The following PSMD11 variants were observed in gnomAD, a reference collection of about 807,000 sequenced individuals.
PSMD11 encodes 26S proteasome non-ATPase regulatory subunit 11.
PSMD11 carries 5 observed loss-of-function variants against 62.3 expected under a neutral mutation model. The ratio of observed to expected loss-of-function variants is 0.08; its 90% confidence interval spans 0.04 to 0.17. The LOEUF is 0.17. Ranked by LOEUF, PSMD11 falls within the 10% of genes least tolerant of loss-of-function variation. PSMD11 has a pLI of 1.00. For missense variants in PSMD11, 310 were observed against 512.9 expected (o/e 0.60, Z 3.82); for synonymous variants, 191 against 191.8 (o/e 1.00, Z 0.03).
In PSMD11 at chr17:32,481,469, G is replaced by A. The variant is rs1489108599; in HGVS notation, c.*717G>A. 1 of 153,052 alleles carries A rather than the reference G, an allele frequency of 6.5e-6. No homozygotes were observed. The highest frequency in any genetic ancestry group is 1.5e-5 in the Non-Finnish European group (1 of 68,188). 9.5% of individuals were successfully genotyped at this position (153,052 alleles called of 1,614,324 possible). On this transcript the variant is annotated 3_prime_UTR_variant, in exon 14 of 14. Transcript: ENST00000261712. Reference sequence around the variant, plus strand: ...CCACGGCCACACAGGGAGCAGTGTGGGCCCTTAGCCCCCAAGGGGCCTGCT... The same window carrying A: ...CCACGGCCACACAGGGAGCAGTGTGAGCCCTTAGCCCCCAAGGGGCCTGCT...
chr17:32,464,159 A>C (rs575851460), intron 4 of PSMD11, 39 bp downstream of exon 4: 2 of 1,547,100 alleles, frequency 1.3e-6, no homozygotes, highest in Non-Finnish European at 8.9e-7. Context: ...GTCTCTAAGC[A>C]TGAGACAGAG....
At chr17:32,449,668 A>C (rs1217507621) in intron 2 of PSMD11, among the ~76,000 whole-genome samples, 3 of 152,218 alleles carry the variant, frequency 2.0e-5, no homozygotes, top group African/African-American at 7.2e-5. Flanking sequence ...AAACATTTCC[A>C]TGTTACTTAT....
intron 9 of PSMD11, among the ~76,000 whole-genome samples, chr17:32,478,724 T>TAACC (rs1908400102): frequency 6.6e-6 from 1 of 152,212 alleles, no homozygotes; most frequent in Non-Finnish European, 1.5e-5. Context: ...TGTTCTTTTT[T>TAACC]TCCCCCCCAT....
At chr17:32,447,903 C>T (rs1348347502) in intron 2 of PSMD11, among the ~76,000 whole-genome samples, 1 of 145,170 alleles carries the variant, frequency 6.9e-6, no homozygotes, top group Admixed American at 7.0e-5. Flanking sequence ...TTTTTTGAGA[C>T]GGGGTCTTGC....
At chr17:32,471,746 TTTAAG>T (rs1016294212) in intron 6 of PSMD11, among the ~76,000 whole-genome samples, 3 of 152,212 alleles carry the variant, frequency 2.0e-5, no homozygotes, top group African/African-American at 7.2e-5. Context: ...TCAGGTCCCT[TTTAAG>T]TTGAGTCTCT....
chr17:32,448,505 T>C (rs974268215), intron 2 of PSMD11, among the ~76,000 whole-genome samples: 1 of 152,014 alleles, frequency 6.6e-6, no homozygotes, highest in Non-Finnish European at 1.5e-5. Flanking sequence ...GTAGCTGGGA[T>C]TGCCAGCATG....
intron 2 of PSMD11, among the ~76,000 whole-genome samples, chr17:32,450,685 A>G (rs1160572668): frequency 6.6e-6 from 1 of 152,102 alleles, no homozygotes; most frequent in African/African-American, 2.4e-5. Context: ...CTCAGTATGT[A>G]TGAAAGTGGA....
chr17:32,476,869 A>C (rs1264101888), intron 8 of PSMD11: 1 of 152,178 alleles, frequency 6.6e-6, no homozygotes, highest in Non-Finnish European at 1.5e-5. Context: ...GGTTCTAGCA[A>C]TTCTCCTGCC....
intron 6 of PSMD11, among the ~76,000 whole-genome samples, chr17:32,469,695 A>G (rs911341864): frequency 2.2e-5 from 3 of 139,366 alleles, no homozygotes; most frequent in Non-Finnish European, 4.9e-5. Flanking sequence ...TTTCTTTTGT[A>G]TTCAGCAGTT....
At chr17:32,477,986 AT>A (rs893248882) in intron 9 of PSMD11, among the ~76,000 whole-genome samples, 2 of 152,232 alleles carry the variant, frequency 1.3e-5, no homozygotes, top group Admixed American at 1.3e-4. Flanking sequence ...AGTTGTAGGC[AT>A]TCCTTCAGCT....
chr17:32,457,753 T>A (rs2150831812), intron 3 of PSMD11, among the ~76,000 whole-genome samples: 1 of 151,840 alleles, frequency 6.6e-6, no homozygotes, highest in East Asian at 1.9e-4. Context: ...AATTCAGCTT[T>A]CTTCATTGTC....
intron 10 of PSMD11, 173 bp downstream of exon 10, chr17:32,479,549 C>G: frequency 3.0e-6 from 3 of 985,410 alleles, no homozygotes; most frequent in Non-Finnish European, 4.4e-6. Flanking sequence ...GAGAGAGATG[C>G]TGTGGGTAGA....
At chr17:32,467,640 C>G (rs1470826331) in intron 5 of PSMD11, among the ~76,000 whole-genome samples, 1 of 152,184 alleles carries the variant, frequency 6.6e-6, no homozygotes, top group Non-Finnish European at 1.5e-5. Flanking sequence ...CAGGGTCTCA[C>G]TCTGTCACCC....
chr17:32,458,381 G>A (rs1036527172), intron 3 of PSMD11, among the ~76,000 whole-genome samples: 1 of 152,240 alleles, frequency 6.6e-6, no homozygotes, highest in East Asian at 1.9e-4. Context: ...CAGCCATGTT[G>A]GATCCCTGGC....
At chr17:32,456,205 C>T (rs1345653741) in intron 3 of PSMD11, among the ~76,000 whole-genome samples, 1 of 150,892 alleles carries the variant, frequency 6.6e-6, no homozygotes, top group Non-Finnish European at 1.5e-5. Flanking sequence ...AATAGAGTAC[C>T]TTAAAATAGA....
At chr17:32,468,211 A>G (rs1356897120) in intron 5 of PSMD11, among the ~76,000 whole-genome samples, 1 of 152,050 alleles carries the variant, frequency 6.6e-6, no homozygotes, top group Non-Finnish European at 1.5e-5. Flanking sequence ...ATGGGCATTT[A>G]GGTTTATTTT....
chr17:32,475,605 T>TA (rs1402608807), intron 8 of PSMD11, among the ~76,000 whole-genome samples: 1 of 150,848 alleles, frequency 6.6e-6, no homozygotes, highest in Non-Finnish European at 1.5e-5. Context: ...TAATTGGCTT[T>TA]TTTTTTTTTT....
At chr17:32,445,874 G>A (rs1302392792) in intron 1 of PSMD11, 1 of 152,184 alleles carries the variant, frequency 6.6e-6, no homozygotes, top group Non-Finnish European at 1.5e-5. Flanking sequence ...GGTAAAAGGT[G>A]TTTCATTTTA....
At chr17:32,457,665 A>C (rs1056887970) in intron 3 of PSMD11, among the ~76,000 whole-genome samples, 1 of 152,118 alleles carries the variant, frequency 6.6e-6, no homozygotes, top group Admixed American at 6.5e-5. Flanking sequence ...GCAAATTGTG[A>C]ATCATCCAGA....
Sources: gnomAD v4.1 joint callset for allele counts (sites outside exome capture counted in the v4.1 genomes callset) on GRCh38, gnomAD v4.1.1 for gene constraint, MANE v1.5 for transcripts, NCBI Gene and HGNC (gene_info 2026-07-23, HGNC 2026-07-21) for gene names.